Variants in RYR2 observed in about 807,000 individuals in gnomAD.
RYR2 encodes ryanodine receptor 2, also known as cardiac muscle ryanodine receptor-calcium release channel.
RYR2 carries 227 observed loss-of-function variants against 601.1 expected under a neutral mutation model. The ratio of observed to expected loss-of-function variants is 0.38; its 90% CI spans 0.34 to 0.42. RYR2 has a LOEUF of 0.42. RYR2 is among the 10% of genes least tolerant of loss of function. RYR2 has a pLI of 1.00. For missense variants in RYR2, 4,646 were observed against 6,156.5 expected (o/e 0.75, Z 8.21); for synonymous variants, 2,223 against 2,175.1 (o/e 1.02, Z -0.61).
chr1:237,082,639 A>G (rs533182342), intron 1 of RYR2, among the ~76,000 whole-genome samples: 3 of 150,018 alleles, frequency 2.0e-5, no homozygotes, highest in African/African-American at 7.3e-5. Context: ...TCTCAGTACC[A>G]TAAGGTTAAC....
At chr1:237,549,051 G>A (rs534788049) in intron 26 of RYR2, among the ~76,000 whole-genome samples, 2 of 152,202 alleles carry the variant, frequency 1.3e-5, no homozygotes, top group Non-Finnish European at 2.9e-5. Context: ...GGTAGGGCAA[G>A]TGACTTCAAA....
chr1:237,781,779 CTTA>C (rs913600439), intron 89 of RYR2, 133 bp downstream of exon 89: 4 of 458,374 alleles, frequency 8.7e-6, no homozygotes, highest in East Asian at 3.3e-5. Flanking sequence ...TTCTTGCTGG[CTTA>C]TTATTCTTTT....
intron 1 of RYR2, among the ~76,000 whole-genome samples, chr1:237,117,655 C>CCTCTT (rs1196641526): frequency 1.5e-5 from 2 of 132,274 alleles, no homozygotes; most frequent in Admixed American, 7.8e-5. Context: ...TCTCTTTTCT[C>CCTCTT]CTCTTCTCTT....
chr1:237,817,176 C>T (rs1188672694), intron 100 of RYR2, among the ~76,000 whole-genome samples: 1 of 152,128 alleles, frequency 6.6e-6, no homozygotes, highest in Admixed American at 6.5e-5. Flanking sequence ...CCTTGTATGC[C>T]AGGCTGATAA....
chr1:237,189,597 T>C (rs764007686), intron 1 of RYR2, among the ~76,000 whole-genome samples: 9 of 152,178 alleles, frequency 5.9e-5, no homozygotes, highest in Non-Finnish European at 1.3e-4. Flanking sequence ...TAGCATGCTG[T>C]CTTTCTGCCA....
chr1:237,827,749 T>C (rs1350851663), intron 101 of RYR2, among the ~76,000 whole-genome samples: 1 of 151,560 alleles, frequency 6.6e-6, no homozygotes, highest in South Asian at 2.1e-4. Flanking sequence ...CCATCCTGGC[T>C]AACACGGTGA....
intron 12 of RYR2, among the ~76,000 whole-genome samples, chr1:237,437,213 TTTTTA>T (rs1414501020): frequency 6.6e-6 from 1 of 151,658 alleles, no homozygotes; most frequent in Non-Finnish European, 1.5e-5. Context: ...CTCAGCTAAT[TTTTTA>T]TTTTATTTTA....
intron 101 of RYR2, among the ~76,000 whole-genome samples, chr1:237,824,533 A>G (rs1388915836): frequency 7.6e-6 from 1 of 130,908 alleles, no homozygotes; most frequent in Non-Finnish European, 1.6e-5. Context: ...GTATCTGAAA[A>G]TAATAAGAGC....
chr1:237,123,587 TTAACAACAAAAA>T (rs1027863941), intron 1 of RYR2, among the ~76,000 whole-genome samples: 1 of 151,736 alleles, frequency 6.6e-6, no homozygotes, highest in Non-Finnish European at 1.5e-5. Context: ...GCCCTCTCTC[TTAACAACAAAAA>T]TAACAACAAA....
intron 4 of RYR2, among the ~76,000 whole-genome samples, chr1:237,361,068 T>C (rs1306976719): frequency 1.3e-5 from 2 of 152,142 alleles, no homozygotes; most frequent in East Asian, 1.9e-4. Context: ...CTTGCACTCC[T>C]GGGCTCAAGC....
In RYR2 at chr1:237,200,229, C is replaced by T. The variant is rs536566862; in HGVS notation, c.49-70268C>T. Among the ~76,000 whole-genome samples the T allele has an allele frequency of 1.6e-4, 25 of 152,130 alleles. 1 individual carries two copies. In the South Asian group the frequency reaches 5.2e-3, roughly 32 times the overall value. On this transcript the variant is annotated intron_variant, in intron 1 of 104. Coordinates refer to ENST00000366574, the MANE Select transcript of RYR2 (RefSeq NM_001035.3). ...TAGCCTCAGTTTTATTGTTTACCATCTGTTTGCAATTTTATCCTTTAACTG... is the reference window on the plus strand; with the variant it reads ...TAGCCTCAGTTTTATTGTTTACCATTTGTTTGCAATTTTATCCTTTAACTG...
intron 1 of RYR2, among the ~76,000 whole-genome samples, chr1:237,101,950 G>A (rs114432847): frequency 1.9e-3 from 296 of 152,320 alleles, no homozygotes; most frequent in African/African-American, 6.8e-3. Flanking sequence ...TTCGTAAAAC[G>A]TGAGTTAATA....
At chr1:237,154,295 A>T (rs2148826642) in intron 1 of RYR2, among the ~76,000 whole-genome samples, 1 of 152,338 alleles carries the variant, frequency 6.6e-6, no homozygotes, top group Admixed American at 6.5e-5. Flanking sequence ...AAGAGGCTTT[A>T]TCCAATGATA....
chr1:237,183,402 C>T (rs1679003212), intron 1 of RYR2, among the ~76,000 whole-genome samples: 1 of 152,112 alleles, frequency 6.6e-6, no homozygotes, highest in South Asian at 2.1e-4. Flanking sequence ...AAGGCAGTGG[C>T]TGGCACGATT....
chr1:237,779,954 G>GCTAA lies in RYR2; in HGVS notation c.11880+1187_11880+1190dup, dbSNP rs553560455. 5.3e-4 allele frequency among the ~76,000 whole-genome samples: 80 copies of GCTAA among 152,300 alleles called. 2 individuals are homozygous for GCTAA. In the South Asian group the frequency reaches 9.1e-3, roughly 17 times the overall value. ...AAATGTGATTAGACCAGCTATGTCT[G>GCTAA]CTAACTGGCAATTGTCAAAGTTAGT... On this transcript the variant is annotated intron_variant, in intron 88 of 104. Transcript: ENST00000366574.
intron 1 of RYR2, among the ~76,000 whole-genome samples, chr1:237,225,707 G>A (rs375160041): frequency 6.6e-6 from 1 of 152,204 alleles, no homozygotes; most frequent in Non-Finnish European, 1.5e-5. Context: ...AAGAGCCATG[G>A]AGTGGGTGGG....
intron 100 of RYR2, 105 bp downstream of exon 100, chr1:237,809,140 T>A: frequency 9.3e-7 from 1 of 1,076,474 alleles, no homozygotes; most frequent in Non-Finnish European, 1.4e-6. Flanking sequence ...GAAAATAGTC[T>A]AAACAAATAA....
At position 237,251,128 on chromosome 1, in the gene RYR2, G is replaced by A. The variant is rs10157703; in HGVS notation, c.49-19369G>A. On this transcript the variant is annotated intron_variant, in intron 1 of 104. Transcript: ENST00000366574. The stretch of plus-strand genomic sequence containing the variant: ...CAAAGACAGGAGTTTTGTCTGTTTC[G>A]ATCTTTCCTTTCCATAGTGCCCAAA... Among the ~76,000 whole-genome samples, 1,458 of 148,406 alleles carry A rather than the reference G, an allele frequency of 9.8e-3. 29 individuals carry two copies. Among genetic ancestry groups the A allele is most frequent in the African/African-American group, 0.034 (1,394 of 40,618 alleles).
rs746150182 is a variant in RYR2 at position 237,717,320 on chromosome 1, C to T, written c.10446C>T (p.Ala3482=). ...RLLPIGLNIC[A]PGDQELIALA... is the part of the protein sequence containing the mutation. ...TGCCCATTGGGTTGAACATCTGTGCCCCTGGGGACCAGGAGCTCATTGCTC... is the reference window on the plus strand; with the variant it reads ...TGCCCATTGGGTTGAACATCTGTGCTCCTGGGGACCAGGAGCTCATTGCTC... Residue 3482 remains alanine, a synonymous_variant, in exon 72 of 105, where the codon GCC becomes GCT. Transcript: ENST00000366574. 2 of 1,611,784 alleles carry T rather than the reference C, an allele frequency of 1.2e-6. No homozygotes were observed. The highest frequency in any genetic ancestry group is 8.5e-7 in the Non-Finnish European group (1 of 1,178,578).
Sources: allele counts gnomAD v4.1 joint callset (sites outside exome capture counted in the v4.1 genomes callset), GRCh38; gene constraint gnomAD v4.1.1; transcripts MANE v1.5; gene names NCBI Gene and HGNC (gene_info 2026-07-23, HGNC 2026-07-21).